RNF168: variants seen among roughly 807,000 people sequenced by gnomAD.
RNF168 encodes the protein E3 ubiquitin-protein ligase RNF168.
RNF168 carries 34 observed loss-of-function variants against 34.9 expected under a neutral mutation model. The ratio of observed to expected loss-of-function variants is 0.97; its 90% CI spans 0.74 to 1.30. RNF168 has a LOEUF of 1.30. RNF168 is among the 50% of genes most tolerant of loss of function. The pLI, the probability that RNF168 is intolerant of heterozygous loss-of-function variation, is 0.00. For synonymous variants in RNF168, 264 were observed against 254.7 expected, an observed-to-expected ratio of 1.04 and a Z score of -0.35; for missense variants, 725 against 682.5, an observed-to-expected ratio of 1.06 and a Z score of -0.69.
intron 1 of RNF168, among the ~76,000 whole-genome samples, chr3:196,497,302 G>A (rs1217517707): frequency 1.3e-5 from 2 of 151,916 alleles, no homozygotes; most frequent in Non-Finnish European, 2.9e-5. Flanking sequence ...TACCCATATG[G>A]GAAAAAGTTA....
intron 1 of RNF168, among the ~76,000 whole-genome samples, chr3:196,493,266 TAA>T (rs1732639969): frequency 6.6e-6 from 1 of 152,242 alleles, no homozygotes; most frequent in African/African-American, 2.4e-5. Context: ...GACAGATTTT[TAA>T]AGTTTACTTA....
In RNF168 at chr3:196,469,069, T is replaced by G. The variant is rs1731939634; in HGVS notation, c.*2750A>C. 1 of 152,206 alleles carries G rather than the reference T, an allele frequency of 6.6e-6. No homozygotes were observed. The highest frequency in any genetic ancestry group is 1.5e-5 in the Non-Finnish European group (1 of 68,036). 9.4% of individuals were successfully genotyped at this position (152,206 alleles called of 1,614,324 possible). On this transcript the variant is annotated 3_prime_UTR_variant, in exon 6 of 6. Coordinates refer to ENST00000318037, the MANE Select transcript of RNF168 (RefSeq NM_152617.4). ...AATCCCAAATATATCACACCATATA[T>G]GTGATATATTTACACCTAAATATAT...
chr3:196,491,258 A>G (rs372293117), intron 1 of RNF168, among the ~76,000 whole-genome samples: 2 of 152,244 alleles, frequency 1.3e-5, no homozygotes, highest in Middle Eastern at 3.4e-3. Flanking sequence ...GGCTGCAGTG[A>G]GCCGACATTG....
chr3:196,489,617 G>A (rs1436182228), intron 1 of RNF168, among the ~76,000 whole-genome samples: 8 of 152,260 alleles, frequency 5.3e-5, no homozygotes, highest in South Asian at 2.1e-4. Flanking sequence ...GTGAGCCACC[G>A]TGCCCGGCTC....
intron 4 of RNF168, chr3:196,475,543 A>G (rs1034764411): frequency 6.8e-6 from 3 of 443,658 alleles, no homozygotes; most frequent in Non-Finnish European, 1.2e-5. Context: ...TCAAATCTAA[A>G]TATTTTTTCT....
In RNF168 at chr3:196,483,911, A is replaced by G. The variant is rs755348929; in HGVS notation, c.559-20T>C. 7.0e-6 allele frequency: 11 copies of G among 1,578,964 alleles called. No individual in the cohort carries two copies. The highest frequency in any genetic ancestry group is 2.7e-5 in the African/African-American group (2 of 74,278). ...ATTGTTCTTCAACAATAGAAAAAGC[A>G]TAACAGACATTATGAGAGAGAACTT... On this transcript the variant is annotated intron_variant, in intron 3 of 5. Transcript: ENST00000318037.
At chr3:196,488,523 A>G (rs1732512432) in intron 2 of RNF168, 84 bp downstream of exon 2, 1 of 802,398 alleles carries the variant, frequency 1.2e-6, no homozygotes, top group Non-Finnish European at 2.1e-6. Flanking sequence ...TACTAGTTAT[A>G]TAAGCACAAA....
At position 196,469,788 on chromosome 3, in the gene RNF168, C is replaced by T. The variant is rs939109393; in HGVS notation, c.*2031G>A. ...ACACAAATGATCATATAAGAAAACA[C>T]GTGGTTATGTTTCAGGTTCCACAAC... On this transcript the variant is annotated 3_prime_UTR_variant, in exon 6 of 6. Coordinates refer to ENST00000318037, the MANE Select transcript of RNF168 (RefSeq NM_152617.4). The T allele has an allele frequency of 6.6e-6, 1 of 152,168 alleles. No homozygotes were observed. The highest frequency in any genetic ancestry group is 6.5e-5 in the Admixed American group (1 of 15,268). 9.4% of individuals were successfully genotyped at this position (152,168 alleles called of 1,614,324 possible).
Position 196,503,020 on chromosome 3 carries a change from G to A in RNF168, c.154C>T (p.Pro52Ser), listed in dbSNP as rs962579766. The A allele has an allele frequency of 1.2e-6, 2 of 1,614,114 alleles. No individual in the cohort carries two copies. Among genetic ancestry groups the A allele is most frequent in the Non-Finnish European group, 1.7e-6 (2 of 1,180,032 alleles). ...STVEKASLCC[P>S]FCRRRVSSWT... Reference sequence around the variant, plus strand: ...GACGATACCCGGCGGCGACAGAAGGGACAGCATAAACTCGCCTTTTCGACG... The same window carrying A: ...GACGATACCCGGCGGCGACAGAAGGAACAGCATAAACTCGCCTTTTCGACG... The change falls in exon 1 of 6, where the codon CCC becomes TCC. Residue 52 changes from proline (P) to serine (S), a missense_variant. Transcript: ENST00000318037.
intron 3 of RNF168, among the ~76,000 whole-genome samples, chr3:196,486,615 C>T (rs994026578): frequency 3.9e-5 from 6 of 152,066 alleles, no homozygotes; most frequent in Non-Finnish European, 7.4e-5. Flanking sequence ...ATTACAGGCC[C>T]GAGCCATCGC....
At chr3:196,478,528 G>A (rs1732206730) in intron 4 of RNF168, among the ~76,000 whole-genome samples, 1 of 152,176 alleles carries the variant, frequency 6.6e-6, no homozygotes, top group African/African-American at 2.4e-5. Flanking sequence ...TGGCTCGAGA[G>A]GCTGCCCAAT....
In RNF168 at chr3:196,471,427, G is replaced by A. The variant is rs547502788; in HGVS notation, c.*392C>T. The A allele has an allele frequency of 1.1e-4, 20 of 180,232 alleles. No homozygotes were observed. Among genetic ancestry groups the A allele is most frequent in the African/African-American group, 4.3e-4 (18 of 42,270 alleles). 11.2% of individuals were successfully genotyped at this position (180,232 alleles called of 1,614,324 possible). On this transcript the variant is annotated 3_prime_UTR_variant, in exon 6 of 6. Transcript: ENST00000318037. ...AGAAAATGGATTTTAAACCCTGCAT[G>A]GGTTCCTTAATCACTCAGAATAGTA...
At chr3:196,486,637 A>T (rs181379136) in intron 3 of RNF168, among the ~76,000 whole-genome samples, 1 of 152,362 alleles carries the variant, frequency 6.6e-6, no homozygotes, top group Non-Finnish European at 1.5e-5. Flanking sequence ...CCCTGGCAAG[A>T]AAAAAGTTGT....
At chr3:196,502,325 G>A (rs1248487141) in intron 1 of RNF168, among the ~76,000 whole-genome samples, 1 of 152,144 alleles carries the variant, frequency 6.6e-6, no homozygotes, top group Non-Finnish European at 1.5e-5. Context: ...GGTGGCTCAA[G>A]CCTGTAATCC....
At chr3:196,485,388 T>C (rs1732398490) in intron 3 of RNF168, among the ~76,000 whole-genome samples, 2 of 151,836 alleles carry the variant, frequency 1.3e-5, no homozygotes, top group African/African-American at 4.8e-5. Context: ...GCACCTGTAA[T>C]CCCAGATACT....
intron 4 of RNF168, among the ~76,000 whole-genome samples, chr3:196,478,504 C>T (rs1271375278): frequency 2.0e-5 from 3 of 152,208 alleles, no homozygotes; most frequent in Non-Finnish European, 4.4e-5. Context: ...ACGGGAGTCG[C>T]TCTCGGCCTA....
At chr3:196,491,291 C>T (rs559096501) in intron 1 of RNF168, among the ~76,000 whole-genome samples, 4 of 151,558 alleles carry the variant, frequency 2.6e-5, no homozygotes, top group South Asian at 2.1e-4. Flanking sequence ...CCAGCCTGGA[C>T]GACAGAGGGA....
intron 2 of RNF168, among the ~76,000 whole-genome samples, chr3:196,488,231 C>G (rs1275444764): frequency 6.6e-6 from 1 of 152,118 alleles, no homozygotes; most frequent in Non-Finnish European, 1.5e-5. Context: ...CCTATAATCC[C>G]AGCACTTTGG....
rs143877059 is a variant in RNF168, at chr3:196,478,626, A to G, written c.681-3314T>C. Among the ~76,000 whole-genome samples the G allele has an allele frequency of 1.9e-3, 285 of 152,060 alleles. 2 individuals carry two copies. Among genetic ancestry groups the G allele is most frequent in the Non-Finnish European group, 3.5e-3 (238 of 67,994 alleles). On this transcript the variant is annotated intron_variant, in intron 4 of 5. Transcript: ENST00000318037. Reference sequence around the variant, plus strand: ...ATGTAACCAATTTTTTAAAAATATGATTTCTATGAAATACACACTCTTTTT... The same window carrying G: ...ATGTAACCAATTTTTTAAAAATATGGTTTCTATGAAATACACACTCTTTTT...
Sources: allele counts gnomAD v4.1 joint callset (sites outside exome capture counted in the v4.1 genomes callset), GRCh38; gene constraint gnomAD v4.1.1; transcripts MANE v1.5; gene names NCBI Gene and HGNC (gene_info 2026-07-23, HGNC 2026-07-21).